DISP1: variants seen among roughly 807,000 people sequenced by gnomAD.
DISP1 encodes the protein dispatched RND transporter family member 1, also known as protein dispatched homolog 1.
In DISP1, 30 loss-of-function variants were observed where a neutral mutation model predicts 37.3. The ratio of observed to expected loss-of-function variants is 0.80; its 90% CI spans 0.60 to 1.09. The LOEUF is 1.09. DISP1 is among the 50% of genes least tolerant of loss of function. The pLI is 0.00. For missense variants in DISP1, 1,598 were observed against 1,879.5 expected, an observed-to-expected ratio of 0.85 and a Z score of 2.77; for synonymous variants, 634 against 690.2, an observed-to-expected ratio of 0.92 and a Z score of 1.28.
chr1:222,960,686 G>GT (rs910584490), intron 3 of DISP1, among the ~76,000 whole-genome samples: 108 of 150,128 alleles, frequency 7.2e-4, no homozygotes, highest in Middle Eastern at 3.4e-3. Flanking sequence ...CCAGGAGCTG[G>GT]TTTTTTTTTG....
intron 3 of DISP1, among the ~76,000 whole-genome samples, chr1:222,970,026 G>A (rs1189317158): frequency 6.6e-6 from 1 of 152,118 alleles, no homozygotes; most frequent in African/African-American, 2.4e-5. Flanking sequence ...GGCGTATATT[G>A]CCTTTCTGAG....
intron 2 of DISP1, among the ~76,000 whole-genome samples, chr1:222,938,076 A>G (rs919503827): frequency 2.0e-5 from 3 of 151,508 alleles, no homozygotes; most frequent in Admixed American, 6.6e-5. Context: ...GTCTCACTAT[A>G]TTTTCAGGCT....
chr1:222,955,926 C>G (rs947901353), intron 3 of DISP1, among the ~76,000 whole-genome samples: 1 of 152,174 alleles, frequency 6.6e-6, no homozygotes, highest in Non-Finnish European at 1.5e-5. Flanking sequence ...TGAGTTAGTT[C>G]AGTGAAATCA....
intron 1 of DISP1, among the ~76,000 whole-genome samples, chr1:222,858,224 A>G (rs1257096998): frequency 2.0e-5 from 3 of 151,968 alleles, no homozygotes; most frequent in Non-Finnish European, 4.4e-5. Flanking sequence ...TGGAATTACT[A>G]TTATCTATAG....
At chr1:222,855,056 G>A (rs1347297184) in intron 1 of DISP1, among the ~76,000 whole-genome samples, 1 of 152,102 alleles carries the variant, frequency 6.6e-6, no homozygotes, top group Non-Finnish European at 1.5e-5. Context: ...TTTAACTAAG[G>A]AACTTCTACT....
chr1:222,912,180 A>G (rs1461394659), intron 1 of DISP1, among the ~76,000 whole-genome samples: 1 of 152,160 alleles, frequency 6.6e-6, no homozygotes, highest in African/African-American at 2.4e-5. Flanking sequence ...TTTTGAGGTT[A>G]TAAGAAAAAA....
Position 222,994,871 on chromosome 1 carries a change from T to C in DISP1, c.890-14T>C, listed in dbSNP as rs2609359. On this transcript the variant is annotated splice_polypyrimidine_tract_variant and intron_variant, in intron 7 of 8. Coordinates refer to ENST00000675850, the MANE Select transcript of DISP1 (RefSeq NM_001377229.1). ...ATAAACCTTTTTCTTTCCTTTTTTTTTTCATATCACCAGGTGACCGATATT... is the reference window on the plus strand; with the variant it reads ...ATAAACCTTTTTCTTTCCTTTTTTTCTTCATATCACCAGGTGACCGATATT... The C allele has an allele frequency of 0.32, 505,783 of 1,572,070 alleles. 84,439 individuals are homozygous for C. The highest frequency in any genetic ancestry group is 0.45 in the South Asian group (40,546 of 89,916).
intron 3 of DISP1, among the ~76,000 whole-genome samples, chr1:222,946,088 C>A (rs1343292637): frequency 1.3e-5 from 2 of 151,746 alleles, no homozygotes; most frequent in Admixed American, 6.6e-5. Context: ...AGAATTTGAG[C>A]CTTGGCCGGG....
chr1:222,859,595 G>T (rs886184220), intron 1 of DISP1, among the ~76,000 whole-genome samples: 1 of 152,140 alleles, frequency 6.6e-6, no homozygotes, highest in South Asian at 2.1e-4. Context: ...ATAAATAAAG[G>T]CTCTTGGATA....
At chr1:222,851,712 C>A (rs555261690) in intron 1 of DISP1, among the ~76,000 whole-genome samples, 21 of 150,986 alleles carry the variant, frequency 1.4e-4, no homozygotes, top group African/African-American at 4.8e-4. Context: ...CCTAAAAGTT[C>A]TTTTTCCCAG....
chr1:222,981,804 G>T (rs960889040), intron 3 of DISP1, among the ~76,000 whole-genome samples: 26 of 152,286 alleles, frequency 1.7e-4, no homozygotes, highest in Middle Eastern at 3.4e-3. Context: ...TCTGGTGAAA[G>T]ATTTCATTTT....
chr1:222,908,312 A>T (rs764945814), intron 1 of DISP1, among the ~76,000 whole-genome samples: 3 of 152,292 alleles, frequency 2.0e-5, no homozygotes, highest in Non-Finnish European at 2.9e-5. Flanking sequence ...TGATCATGCC[A>T]CTGCACTCTA....
chr1:222,951,733 G>T (rs889813813), intron 3 of DISP1, among the ~76,000 whole-genome samples: 1 of 152,182 alleles, frequency 6.6e-6, no homozygotes, highest in Non-Finnish European at 1.5e-5. Flanking sequence ...TTAGGTGCTG[G>T]AGACAGGTGG....
chr1:222,908,396 A>C (rs959372587), intron 1 of DISP1, among the ~76,000 whole-genome samples: 1 of 152,092 alleles, frequency 6.6e-6, no homozygotes, highest in Non-Finnish European at 1.5e-5. Flanking sequence ...CAGATAATTA[A>C]ATCAAAGGCA....
chr1:222,898,257 C>G (rs1163561821), intron 1 of DISP1, among the ~76,000 whole-genome samples: 2 of 152,080 alleles, frequency 1.3e-5, no homozygotes, highest in African/African-American at 4.8e-5. Context: ...ATCAAAATGT[C>G]TTTTTCAGAA....
At chr1:222,906,726 C>G (rs771393475) in intron 1 of DISP1, among the ~76,000 whole-genome samples, 2 of 152,266 alleles carry the variant, frequency 1.3e-5, no homozygotes, top group African/African-American at 2.4e-5. Flanking sequence ...CACTTATCAT[C>G]AAGAAATAAC....
chr1:222,973,678 C>A (rs991090456), intron 3 of DISP1, among the ~76,000 whole-genome samples: 1 of 152,206 alleles, frequency 6.6e-6, no homozygotes, highest in Non-Finnish European at 1.5e-5. Context: ...AGTCACACTT[C>A]AGTGGACATC....
At chr1:222,840,198 G>A (rs187020745) in intron 1 of DISP1, among the ~76,000 whole-genome samples, 1 of 152,166 alleles carries the variant, frequency 6.6e-6, no homozygotes, top group Admixed American at 6.5e-5. Flanking sequence ...TTATAAATCA[G>A]GGACCACTGT....
At chr1:222,896,348 C>T (rs1196772790) in intron 1 of DISP1, among the ~76,000 whole-genome samples, 1 of 151,534 alleles carries the variant, frequency 6.6e-6, no homozygotes, top group Admixed American at 6.6e-5. Flanking sequence ...TGCCTGTAAT[C>T]CCAGCACTTT....
Sources: allele counts gnomAD v4.1 joint callset (sites outside exome capture counted in the v4.1 genomes callset), GRCh38; gene constraint gnomAD v4.1.1; transcripts MANE v1.5; gene names NCBI Gene and HGNC (gene_info 2026-07-23, HGNC 2026-07-21).